The following USP49 variants were observed in gnomAD, a reference collection of about 807,000 sequenced individuals.
USP49 encodes ubiquitin carboxyl-terminal hydrolase 49.
In USP49, 24 loss-of-function variants were observed where a neutral mutation model predicts 58.6. That is an observed-to-expected ratio of 0.41 (90% confidence interval 0.30 to 0.58). The LOEUF (loss-of-function observed/expected upper bound fraction) is 0.58. USP49 is among the 20% of genes least tolerant of loss of function. The pLI is 0.30. For synonymous variants in USP49, 408 were observed against 365.1 expected (o/e 1.12, Z -1.34); for missense variants, 703 against 866.1 (o/e 0.81, Z 2.36).
At chr6:41,798,394 C>G (rs1772928114) in intron 7 of USP49, 1 of 349,164 alleles carries the variant, frequency 2.9e-6, no homozygotes, top group Admixed American at 4.4e-5. Flanking sequence ...CTGCCTCAGC[C>G]TCTTGAGTAC....
In USP49 at chr6:41,802,390, ATTTTATTTTATTTTATT is replaced by A. The variant is rs1219709413; in HGVS notation, c.1561+1399_1561+1415del. On this transcript the variant is annotated intron_variant, in intron 5 of 7. Coordinates refer to ENST00000682992, the MANE Select transcript of USP49 (RefSeq NM_001286554.2). Reference sequence around the variant, plus strand: ...GAACAGGTTTCCCACAATTTATTTTATTTTATTTTATTTTATTTTTTATTTTATTTTATTTTATTTTA... The same window carrying A: ...GAACAGGTTTCCCACAATTTATTTTATTTTATTTTATTTTATTTTATTTTA... Among the ~76,000 whole-genome samples the A allele has an allele frequency of 2.2e-3, 268 of 121,124 alleles. 4 individuals are homozygous for A. Among genetic ancestry groups the A allele is most frequent in the African/African-American group, 7.7e-3 (245 of 31,706 alleles). 79.5% of individuals were successfully genotyped at this position (121,124 alleles called of 152,430 possible).
Position 41,792,125 on chromosome 6 carries a change from T to A in USP49, c.*4408A>T, listed in dbSNP as rs1460652739. Reference sequence around the variant, plus strand: ...AGCCCTGCAGTGAAGAGACTGGGTCTTAGCACCTTCCACATTCACTCAGCG... The same window carrying A: ...AGCCCTGCAGTGAAGAGACTGGGTCATAGCACCTTCCACATTCACTCAGCG... On this transcript the variant is annotated 3_prime_UTR_variant, in exon 8 of 8. Coordinates refer to ENST00000682992, the MANE Select transcript of USP49 (RefSeq NM_001286554.2). 2 of 152,182 alleles carry A rather than the reference T, an allele frequency of 1.3e-5. No individual in the cohort carries two copies. The highest frequency in any genetic ancestry group is 2.9e-5 in the Non-Finnish European group (2 of 68,056). 9.4% of individuals were successfully genotyped at this position (152,182 alleles called of 1,614,324 possible). A position where few individuals can be genotyped will look rare whatever the true frequency, so the allele number is the denominator to read the frequency against.
chr6:41,812,485 A>C (rs1037127028), intron 3 of USP49, among the ~76,000 whole-genome samples: 2 of 151,584 alleles, frequency 1.3e-5, no homozygotes, highest in African/African-American at 4.8e-5. Flanking sequence ...CGAGGTCAGG[A>C]GATCGAGACC....
At chr6:41,893,514 AAC>A (rs201644647) in intron 1 of USP49, among the ~76,000 whole-genome samples, 4,000 of 152,294 alleles carry the variant, frequency 0.026, 75 homozygotes, top group Non-Finnish European at 0.043. Flanking sequence ...CTGTCCATAA[AAC>A]ACAGCCCAGC....
intron 3 of USP49, among the ~76,000 whole-genome samples, chr6:41,830,291 C>G (rs1773611922): frequency 6.6e-6 from 1 of 152,138 alleles, no homozygotes; most frequent in Admixed American, 6.5e-5. Flanking sequence ...GTAAACCTGT[C>G]TCATCTAGGC....
chr6:41,874,937 G>A (rs1034966352), intron 2 of USP49, among the ~76,000 whole-genome samples: 6 of 152,112 alleles, frequency 3.9e-5, no homozygotes, highest in African/African-American at 1.2e-4. Context: ...ACTCCAGCCT[G>A]AGTGACAGAG....
At chr6:41,823,259 G>GA (rs948068694) in intron 3 of USP49, among the ~76,000 whole-genome samples, 9 of 152,086 alleles carry the variant, frequency 5.9e-5, no homozygotes, top group African/African-American at 1.4e-4. Context: ...ACCTTTTGGG[G>GA]AAAAAAATCA....
chr6:41,819,706 G>A (rs1248117756), intron 3 of USP49, among the ~76,000 whole-genome samples: 1 of 152,096 alleles, frequency 6.6e-6, no homozygotes, highest in African/African-American at 2.4e-5. Context: ...GATGGATAAG[G>A]TTGACAATAC....
intron 3 of USP49, among the ~76,000 whole-genome samples, chr6:41,844,122 G>C (rs897380989): frequency 6.6e-6 from 1 of 152,074 alleles, no homozygotes; most frequent in Non-Finnish European, 1.5e-5. Flanking sequence ...TTAGGAGACT[G>C]AAGCACAAGA....
chr6:41,892,313 C>T (rs1339487481), intron 1 of USP49, among the ~76,000 whole-genome samples: 2 of 152,130 alleles, frequency 1.3e-5, no homozygotes, highest in African/African-American at 4.8e-5. Flanking sequence ...CATGGCAATA[C>T]CATACAGAGT....
intron 3 of USP49, among the ~76,000 whole-genome samples, chr6:41,844,475 G>A (rs932415009): frequency 1.1e-4 from 16 of 152,002 alleles, no homozygotes; most frequent in East Asian, 5.9e-4. Flanking sequence ...CACCATGCTC[G>A]GCTAGTTTTT....
intron 3 of USP49, among the ~76,000 whole-genome samples, chr6:41,846,782 T>C (rs1773932258): frequency 6.6e-6 from 1 of 152,188 alleles, no homozygotes; most frequent in Non-Finnish European, 1.5e-5. Context: ...CCCCCCATAC[T>C]GGGTCTACTC....
chr6:41,819,293 T>C (rs1056855885), intron 3 of USP49, among the ~76,000 whole-genome samples: 2 of 152,092 alleles, frequency 1.3e-5, no homozygotes, highest in African/African-American at 4.8e-5. Flanking sequence ...TAAAACAAGG[T>C]CCGAACTAAT....
At position 41,804,020 on chromosome 6, in the gene USP49, A is replaced by G. The variant is rs371703802; in HGVS notation, c.1357-10T>C. 1.5e-5 allele frequency: 24 copies of G among 1,612,336 alleles called. No individual in the cohort carries two copies. The highest frequency in any genetic ancestry group is 2.0e-5 in the Non-Finnish European group (24 of 1,178,976). ...ATGATATACATGTGACCTAGAATGA[A>G]AAGATTGATTTACAGATTATATAAC... On this transcript the variant is annotated splice_polypyrimidine_tract_variant and intron_variant, in intron 4 of 7. Transcript: ENST00000682992.
At chr6:41,882,137 A>G (rs74542078) in intron 2 of USP49, among the ~76,000 whole-genome samples, 4,794 of 152,212 alleles carry the variant, frequency 0.031, 128 homozygotes, top group African/African-American at 0.065. Flanking sequence ...ACAGTAATAA[A>G]CATGATATGG....
intron 3 of USP49, among the ~76,000 whole-genome samples, chr6:41,865,707 T>C (rs758838608): frequency 2.0e-5 from 3 of 151,766 alleles, no homozygotes; most frequent in Non-Finnish European, 2.9e-5. Flanking sequence ...GATGTGATTA[T>C]AGCTCACTGT....
chr6:41,815,247 C>A, intron 3 of USP49, among the ~76,000 whole-genome samples: 1 of 152,010 alleles, frequency 6.6e-6, no homozygotes, highest in Non-Finnish European at 1.5e-5. Flanking sequence ...GGTGAAACCC[C>A]ATTTCTACTA....
rs547603468 is a variant in USP49 at position 41,802,544 on chromosome 6, G to A, written c.1561+1262C>T. ...GCTGGAGTGCAGTGGCGCCCACCTT[G>A]GGGTCTCCCAAAGTCCTGGGATTAC... On this transcript the variant is annotated intron_variant, in intron 5 of 7. Coordinates refer to ENST00000682992, the MANE Select transcript of USP49 (RefSeq NM_001286554.2). 2.1e-5 allele frequency among the ~76,000 whole-genome samples: 3 copies of A among 143,868 alleles called. No individual in the cohort carries two copies. In the South Asian group the frequency reaches 6.7e-4, roughly 32 times the overall value. 94.4% of individuals were successfully genotyped at this position (143,868 alleles called of 152,430 possible).
intron 4 of USP49, 104 bp downstream of exon 4, chr6:41,805,524 C>A: frequency 7.9e-7 from 1 of 1,268,404 alleles, no homozygotes; most frequent in Non-Finnish European, 1.1e-6. Context: ...ATAATCACAG[C>A]AAATGTGGGC....
Sources: allele counts gnomAD v4.1 joint callset (sites outside exome capture counted in the v4.1 genomes callset), GRCh38; gene constraint gnomAD v4.1.1; transcripts MANE v1.5; gene names NCBI Gene and HGNC (gene_info 2026-07-23, HGNC 2026-07-21).